Variants in NME7 observed in about 807,000 individuals in gnomAD.
NME7 encodes the protein NME/NM23 family member 7.
Under a neutral mutation model 49.1 loss-of-function variants are expected in NME7, and 41 were observed. The observed-to-expected ratio is 0.83, with a 90% CI of 0.65 to 1.08. The LOEUF (loss-of-function observed/expected upper bound fraction) is 1.08, where lower values mean the gene tolerates loss of function less well. Ranked by LOEUF, NME7 falls within the 50% of genes least tolerant of loss-of-function variation. The pLI, the probability that NME7 is intolerant of heterozygous loss-of-function variation, is 0.00. For missense variants in NME7, 423 were observed against 463.4 expected (o/e 0.91, Z 0.80); for synonymous variants, 139 against 150.6 (o/e 0.92, Z 0.56).
chr1:169,178,600 C>T (rs1028023660), intron 10 of NME7, among the ~76,000 whole-genome samples: 2 of 152,066 alleles, frequency 1.3e-5, no homozygotes, highest in African/African-American at 4.8e-5. Flanking sequence ...GAATCGAACT[C>T]CTTTAAAAAA....
At chr1:169,298,216 ATCT>A (rs1650785676) in intron 6 of NME7, among the ~76,000 whole-genome samples, 1 of 152,196 alleles carries the variant, frequency 6.6e-6, no homozygotes, top group Non-Finnish European at 1.5e-5. Flanking sequence ...CTCAAATTAT[ATCT>A]TCTTTTTAAT....
At position 169,161,287 on chromosome 1, in the gene NME7, G is replaced by T. The variant is rs1255722931; in HGVS notation, c.1098+8160C>A. 2.6e-5 allele frequency among the ~76,000 whole-genome samples: 4 copies of T among 152,128 alleles called. No individual in the cohort carries two copies. In the South Asian group the frequency reaches 8.3e-4, roughly 31 times the overall value. ...GAGAAAGCTGTTTGCTTTTGTATTT[G>T]TACAAGTTGTTCCCTCTTTGACAAT... On this transcript the variant is annotated intron_variant, in intron 11 of 11. Coordinates refer to ENST00000367811, the MANE Select transcript of NME7 (RefSeq NM_013330.5).
chr1:169,252,968 T>C (rs1293587371), intron 7 of NME7, among the ~76,000 whole-genome samples: 5 of 149,794 alleles, frequency 3.3e-5, no homozygotes, highest in African/African-American at 1.2e-4. Context: ...ACTGTAGCCT[T>C]GTAGTATAGT....
chr1:169,367,253 G>C (rs1653905386), intron 1 of NME7, among the ~76,000 whole-genome samples: 1 of 152,200 alleles, frequency 6.6e-6, no homozygotes, highest in Non-Finnish European at 1.5e-5. Context: ...CCTGTTAATG[G>C]CCCTCGTGGG....
rs1344235928 is a variant in NME7 at position 169,367,797 on chromosome 1, C to A, written c.-87G>T. ...CACCATCATACGGTTACTCAGGCAA[C>A]AAAGCCCCGCCCACTGTCGCACGAG... On this transcript the variant is annotated 5_prime_UTR_variant, in exon 1 of 12. Coordinates refer to ENST00000367811, the MANE Select transcript of NME7 (RefSeq NM_013330.5). The A allele has an allele frequency of 6.4e-7, 1 of 1,563,486 alleles. No homozygotes were observed. The highest frequency in any genetic ancestry group is 8.8e-7 in the Non-Finnish European group (1 of 1,135,438).
chr1:169,364,736 G>C (rs1286809485), intron 1 of NME7, among the ~76,000 whole-genome samples: 1 of 152,254 alleles, frequency 6.6e-6, no homozygotes, highest in Admixed American at 6.5e-5. Flanking sequence ...GCTAACTATG[G>C]GAGAAATTTA....
intron 7 of NME7, among the ~76,000 whole-genome samples, chr1:169,278,778 A>C (rs1558019403): frequency 6.6e-6 from 1 of 152,104 alleles, no homozygotes; most frequent in Non-Finnish European, 1.5e-5. Flanking sequence ...TAGAGTTTCC[A>C]GTTTTTCTGC....
At chr1:169,199,298 TA>T (rs1660476548) in intron 10 of NME7, among the ~76,000 whole-genome samples, 3 of 151,848 alleles carry the variant, frequency 2.0e-5, no homozygotes, top group Admixed American at 6.6e-5. Flanking sequence ...TTCTTCACAA[TA>T]ATAATTCCAT....
chr1:169,340,273 A>G (rs1652637372), intron 1 of NME7, among the ~76,000 whole-genome samples: 1 of 152,114 alleles, frequency 6.6e-6, no homozygotes, highest in African/African-American at 2.4e-5. Context: ...TGATGGTTTT[A>G]AAAGTGGCAG....
At chr1:169,251,660 C>T (rs916381060) in intron 7 of NME7, among the ~76,000 whole-genome samples, 1 of 147,186 alleles carries the variant, frequency 6.8e-6, no homozygotes, top group Non-Finnish European at 1.5e-5. Context: ...ACTGCACCCA[C>T]TAACTCATCA....
chr1:169,355,727 C>T (rs1409025628), intron 1 of NME7, among the ~76,000 whole-genome samples: 2 of 151,924 alleles, frequency 1.3e-5, no homozygotes, highest in Non-Finnish European at 2.9e-5. Context: ...GCTTCTCTGA[C>T]CAGCTAACTA....
intron 1 of NME7, among the ~76,000 whole-genome samples, chr1:169,356,351 C>G (rs914057558): frequency 6.6e-6 from 1 of 152,022 alleles, no homozygotes; most frequent in Admixed American, 6.6e-5. Flanking sequence ...GGTAGGGGGA[C>G]AGAGAGCAAC....
intron 6 of NME7, among the ~76,000 whole-genome samples, chr1:169,289,487 C>T (rs1399655144): frequency 6.6e-6 from 1 of 152,004 alleles, no homozygotes; most frequent in Non-Finnish European, 1.5e-5. Context: ...GTAACAAGCC[C>T]TTACAAGTTA....
At chr1:169,303,805 T>G (rs535741517) in intron 4 of NME7, among the ~76,000 whole-genome samples, 1 of 152,278 alleles carries the variant, frequency 6.6e-6, no homozygotes, top group African/African-American at 2.4e-5. Context: ...AGGTTAATAT[T>G]TGACCAGTGA....
chr1:169,365,125 T>C (rs1653804705), intron 1 of NME7, among the ~76,000 whole-genome samples: 2 of 152,158 alleles, frequency 1.3e-5, no homozygotes, highest in South Asian at 4.1e-4. Context: ...ACTAGTCCTA[T>C]GACTCTCACC....
intron 7 of NME7, among the ~76,000 whole-genome samples, chr1:169,247,637 C>A (rs964337813): frequency 6.6e-6 from 1 of 152,072 alleles, no homozygotes; most frequent in East Asian, 1.9e-4. Context: ...TCACCCCCCT[C>A]AACCCTCCCT....
At position 169,254,838 on chromosome 1, in the gene NME7, G is replaced by A. The variant is rs1339799422; in HGVS notation, c.755-17151C>T. On this transcript the variant is annotated intron_variant, in intron 7 of 11. Transcript: ENST00000367811. ...CGCTATGTACCCAGTAGTCATTCAG[G>A]AGCAGGTTGTTCAGTTTCCATGTAG... Among the ~76,000 whole-genome samples the A allele has an allele frequency of 1.5e-5, 2 of 130,930 alleles. 1 individual carries two copies. Among genetic ancestry groups the A allele is most frequent in the Admixed American group, 1.5e-4 (2 of 13,380 alleles). The allele number at this position is 130,930 out of a possible 152,430, so 85.9% of individuals were successfully genotyped here. A position where few individuals can be genotyped will look rare whatever the true frequency, so the allele number is the denominator to read the frequency against.
At chr1:169,176,769 T>G (rs1390966379) in intron 10 of NME7, among the ~76,000 whole-genome samples, 2 of 152,132 alleles carry the variant, frequency 1.3e-5, no homozygotes, top group African/African-American at 4.8e-5. Context: ...TTCAGAAGGA[T>G]GAGCTCAACT....
chr1:169,198,585 T>G (rs944410005), intron 10 of NME7, among the ~76,000 whole-genome samples: 1 of 152,228 alleles, frequency 6.6e-6, no homozygotes, highest in Non-Finnish European at 1.5e-5. Context: ...AAAAATATTA[T>G]GCTACATGAA....
Sources: allele counts gnomAD v4.1 joint callset (sites outside exome capture counted in the v4.1 genomes callset), GRCh38; gene constraint gnomAD v4.1.1; transcripts MANE v1.5; gene names NCBI Gene and HGNC (gene_info 2026-07-23, HGNC 2026-07-21).